The following TEX11 variants were observed in gnomAD, a reference collection of about 807,000 sequenced individuals.
The protein encoded by TEX11 is testis expressed 11, also known as testis-expressed protein 11.
TEX11 carries 7 observed loss-of-function variants against 84.4 expected under a neutral mutation model. The observed-to-expected ratio is 0.08, with a 90% CI of 0.05 to 0.16. TEX11 has a LOEUF of 0.16. TEX11 is among the 10% of genes least tolerant of loss of function. The pLI, the probability that TEX11 is intolerant of heterozygous loss-of-function variation, is 1.00. For synonymous variants in TEX11, 264 were observed against 222.8 expected (o/e 1.18, Z -1.64); for missense variants, 551 against 660.5 (o/e 0.83, Z 1.82).
intron 17 of TEX11, among the ~76,000 whole-genome samples, chrX:70,631,433 T>C (rs1206735411): frequency 8.9e-6 from 1 of 111,933 alleles, no homozygotes; most frequent in Non-Finnish European, 1.9e-5. Flanking sequence ...AATTGGAAAG[T>C]ATTTGGAACC....
At chrX:70,653,489 A>G (rs892197897) in intron 16 of TEX11, among the ~76,000 whole-genome samples, 15 of 112,425 alleles carry the variant, frequency 1.3e-4, no homozygotes, top group African/African-American at 4.8e-4. Flanking sequence ...CAGCAATGAG[A>G]TATCACTATG....
chrX:70,671,397 T>C (rs959074499), intron 15 of TEX11, among the ~76,000 whole-genome samples: 4 of 111,383 alleles, frequency 3.6e-5, no homozygotes, highest in African/African-American at 6.5e-5. Context: ...TTATGCTAAA[T>C]AGGTAAAACA....
chrX:70,837,093 TA>T (rs201191955), intron 7 of TEX11, among the ~76,000 whole-genome samples: 4 of 107,232 alleles, frequency 3.7e-5, no homozygotes, highest in African/African-American at 1.0e-4. Context: ...TGGCAGTTTC[TA>T]AAAAAAAAAT....
At chrX:70,858,445 A>C (rs756438778) in intron 5 of TEX11, among the ~76,000 whole-genome samples, 2,069 of 75,050 alleles carry the variant, frequency 0.028, 42 homozygotes, top group African/African-American at 0.14. Flanking sequence ...CCATCTCAAG[A>C]AAAAAAAAAA....
Position 70,597,783 on chromosome X carries a change from A to G in TEX11, c.2068-5960T>C, listed in dbSNP as rs188085520. On this transcript the variant is annotated intron_variant, in intron 24 of 29. Coordinates refer to ENST00000374333, the MANE Select transcript of TEX11 (RefSeq NM_031276.3). The stretch of plus-strand genomic sequence containing the variant: ...AAATTAAAAATGTATTTCAAAGGGC[A>G]CTAGCAAGAAATGGAAAAGACAAAC... 3.6e-5 allele frequency among the ~76,000 whole-genome samples: 4 copies of G among 112,579 alleles called. No individual in the cohort carries two copies. In the East Asian group the frequency reaches 8.3e-4, roughly 23 times the overall value.
intron 2 of TEX11, among the ~76,000 whole-genome samples, chrX:70,881,500 T>C (rs949754077): frequency 1.8e-5 from 2 of 111,303 alleles, no homozygotes; most frequent in Non-Finnish European, 3.8e-5. Context: ...AAAATGTTAA[T>C]ATTCATAACA....
At chrX:70,744,118 A>C (rs2147748506) in intron 10 of TEX11, 47 bp downstream of exon 10, 1 of 824,806 alleles carries the variant, frequency 1.2e-6, no homozygotes, top group East Asian at 4.0e-5. Context: ...CAATAAAATA[A>C]AGCAGGTTAT....
At chrX:70,609,059 A>G in intron 22 of TEX11, 32 bp downstream of exon 22, 1 of 1,131,049 alleles carries the variant, frequency 8.8e-7, no homozygotes, top group Non-Finnish European at 1.2e-6. Flanking sequence ...CCACCCCACA[A>G]TGTTTCCCAG....
rs201239481 is a variant in TEX11, at chrX:70,817,230, T to TACAC, written c.607-10444_607-10441dup. Among the ~76,000 whole-genome samples, 36 of 85,526 alleles carry TACAC rather than the reference T, an allele frequency of 4.2e-4. No homozygotes were observed. In the South Asian group the frequency reaches 4.2e-3, roughly 10 times the overall value. The allele number at this position is 85,526 out of a possible 115,157, so 74.3% of individuals were successfully genotyped here. ...ACACATATTTATATACACATACACATACACACACACACACATATATATATA... is the reference window on the plus strand; with the variant it reads ...ACACATATTTATATACACATACACATACACACACACACACACACATATATATATA... On this transcript the variant is annotated intron_variant, in intron 8 of 29. Coordinates refer to ENST00000374333, the MANE Select transcript of TEX11 (RefSeq NM_031276.3).
chrX:70,617,378 CATT>C (rs1229624509), intron 20 of TEX11, among the ~76,000 whole-genome samples: 1 of 105,001 alleles, frequency 9.5e-6, no homozygotes, highest in Non-Finnish European at 1.9e-5. Context: ...ACATATATAT[CATT>C]ATATATTATA....
chrX:70,560,197 C>A (rs1238492794), intron 25 of TEX11, among the ~76,000 whole-genome samples: 1 of 108,163 alleles, frequency 9.2e-6, no homozygotes, highest in East Asian at 2.9e-4. Flanking sequence ...GTTGCCCAGG[C>A]TGGAGTGCAA....
chrX:70,534,358 G>A (rs2087929179), intron 28 of TEX11, among the ~76,000 whole-genome samples: 1 of 111,200 alleles, frequency 9.0e-6, no homozygotes, highest in Non-Finnish European at 1.9e-5. Context: ...AGGTGCTGAG[G>A]ATGACTCCTA....
intron 17 of TEX11, among the ~76,000 whole-genome samples, chrX:70,648,674 A>C (rs184277287): frequency 1.1e-4 from 12 of 111,230 alleles, no homozygotes; most frequent in Non-Finnish European, 1.9e-4. Flanking sequence ...GTAAAACACT[A>C]CTACCCACTA....
At chrX:70,846,757 C>T (rs1291650733) in intron 7 of TEX11, among the ~76,000 whole-genome samples, 1 of 111,335 alleles carries the variant, frequency 9.0e-6, no homozygotes, top group Non-Finnish European at 1.9e-5. Flanking sequence ...AACCCTGTCT[C>T]TACTAAAAAT....
chrX:70,605,798 C>G (rs2089189227), intron 23 of TEX11, among the ~76,000 whole-genome samples: 1 of 111,919 alleles, frequency 8.9e-6, no homozygotes, highest in Non-Finnish European at 1.9e-5. Context: ...CCTTGTATTT[C>G]TATCTAGTGA....
intron 13 of TEX11, among the ~76,000 whole-genome samples, chrX:70,716,955 C>T (rs1210458393): frequency 1.8e-5 from 2 of 112,388 alleles, no homozygotes; most frequent in Non-Finnish European, 3.8e-5. Context: ...TGCAAGTTTA[C>T]TTAAATGTTA....
intron 8 of TEX11, among the ~76,000 whole-genome samples, chrX:70,817,698 T>A (rs141920898): frequency 0.023 from 2,385 of 104,214 alleles, 49 homozygotes; most frequent in African/African-American, 0.078. Context: ...TGAGATCACA[T>A]CACTGCACTC....
chrX:70,780,273 C>T (rs780071323), intron 9 of TEX11, among the ~76,000 whole-genome samples: 3 of 112,052 alleles, frequency 2.7e-5, no homozygotes, highest in East Asian at 2.8e-4. Flanking sequence ...GACTCCATCA[C>T]GCACACACAA....
chrX:70,672,520 A>C (rs2090034282), intron 15 of TEX11, among the ~76,000 whole-genome samples: 1 of 111,856 alleles, frequency 8.9e-6, no homozygotes, highest in Non-Finnish European at 1.9e-5. Flanking sequence ...GGTATGGTTA[A>C]TCTTTTCCAT....
Sources: gnomAD v4.1 joint callset for allele counts (sites outside exome capture counted in the v4.1 genomes callset) on GRCh38, gnomAD v4.1.1 for gene constraint, MANE v1.5 for transcripts, NCBI Gene and HGNC (gene_info 2026-07-23, HGNC 2026-07-21) for gene names.